The following TRPM7 variants were observed in gnomAD, a reference collection of about 807,000 sequenced individuals.
The protein encoded by TRPM7 is LTRPC ion channel family member 7.
In TRPM7, 134 loss-of-function variants were observed where a neutral mutation model predicts 229.7. That is an observed-to-expected ratio of 0.58 (90% CI 0.51 to 0.67). TRPM7 has a LOEUF of 0.67. TRPM7 is among the 30% of genes least tolerant of loss of function. TRPM7 has a pLI of 0.00. For missense variants in TRPM7, 1,901 were observed against 2,210.0 expected (o/e 0.86, Z 2.80); for synonymous variants, 699 against 715.2 (o/e 0.98, Z 0.36).
At chr15:50,573,164 GTTCTACCCA>G (rs2053970144) in intron 36 of TRPM7, among the ~76,000 whole-genome samples, 1 of 151,898 alleles carries the variant, frequency 6.6e-6, no homozygotes, top group African/African-American at 2.4e-5. Flanking sequence ...GATGCATATC[GTTCTACCCA>G]TCAACTGCTG....
chr15:50,567,837 C>T (rs907745201), intron 38 of TRPM7, among the ~76,000 whole-genome samples: 1 of 151,858 alleles, frequency 6.6e-6, no homozygotes, highest in Non-Finnish European at 1.5e-5. Flanking sequence ...GCCTGTAATC[C>T]CAGCACTTTG....
At chr15:50,637,850 A>G (rs2060952844) in intron 6 of TRPM7, among the ~76,000 whole-genome samples, 1 of 152,256 alleles carries the variant, frequency 6.6e-6, no homozygotes, top group South Asian at 2.1e-4. Context: ...ACATGCAAAG[A>G]GAGAAGCAAT....
intron 36 of TRPM7, among the ~76,000 whole-genome samples, chr15:50,570,743 C>T (rs2053842563): frequency 6.8e-6 from 1 of 146,884 alleles, no homozygotes; most frequent in Admixed American, 6.8e-5. Context: ...GTCCCAGCTA[C>T]TTTCGGGAGG....
chr15:50,647,311 A>G (rs1465714737), intron 4 of TRPM7, among the ~76,000 whole-genome samples: 1 of 150,188 alleles, frequency 6.7e-6, no homozygotes, highest in African/African-American at 2.4e-5. Flanking sequence ...TTGTATTTTT[A>G]GTAGAGACAG....
chr15:50,573,012 C>A (rs2053962439), intron 36 of TRPM7, among the ~76,000 whole-genome samples: 1 of 152,178 alleles, frequency 6.6e-6, no homozygotes, highest in African/African-American at 2.4e-5. Context: ...TGAAGCTCAG[C>A]AGACATTACT....
At chr15:50,681,264 TACACAC>T (rs72070923) in intron 1 of TRPM7, among the ~76,000 whole-genome samples, 224 of 147,020 alleles carry the variant, frequency 1.5e-3, no homozygotes, top group African/African-American at 3.8e-3. Flanking sequence ...AATAAATAAA[TACACAC>T]ACACACACAC....
chr15:50,681,932 A>G (rs2062247042), intron 1 of TRPM7, among the ~76,000 whole-genome samples: 1 of 152,198 alleles, frequency 6.6e-6, no homozygotes, highest in African/African-American at 2.4e-5. Context: ...CTGTAATCCC[A>G]GCACTTTGGG....
intron 12 of TRPM7, 97 bp from the exon 13 acceptor site, chr15:50,619,895 G>C: frequency 1.9e-6 from 2 of 1,035,958 alleles, no homozygotes; most frequent in Non-Finnish European, 2.8e-6. Flanking sequence ...AAATTACATT[G>C]TTTTGGAGTT....
intron 20 of TRPM7, among the ~76,000 whole-genome samples, chr15:50,605,784 T>C (rs2059903890): frequency 6.6e-6 from 1 of 152,204 alleles, no homozygotes; most frequent in African/African-American, 2.4e-5. Flanking sequence ...TTTAAAACGC[T>C]TTGCAATTTG....
Position 50,657,793 on chromosome 15 carries a change from T to C in TRPM7, c.110A>G (p.Gln37Arg). Residue 37 changes from glutamine to arginine, a missense_variant, in exon 3 of 39, where the codon CAG becomes CGG. Gln to Arg is a conservative substitution (Grantham distance 43, BLOSUM62 1). Coordinates refer to ENST00000646667, the MANE Select transcript of TRPM7 (RefSeq NM_017672.6). ...HRCLPGCQIC[Q>R]QLVRCFCGRL... ...ATGTTAAACTTACCTGACGAGTTGC[T>C]GACAAATTTGACATCCTGGAAGGCA... 1.2e-6 allele frequency: 2 copies of C among 1,611,806 alleles called. No individual in the cohort carries two copies. The highest frequency in any genetic ancestry group is 1.7e-6 in the Non-Finnish European group (2 of 1,178,576).
At chr15:50,601,471 GTC>G (rs1197532023) in intron 21 of TRPM7, among the ~76,000 whole-genome samples, 1 of 151,978 alleles carries the variant, frequency 6.6e-6, no homozygotes, top group African/African-American at 2.4e-5. Flanking sequence ...GTGAAACCCT[GTC>G]TCCACTAAAA....
At chr15:50,618,777 A>G (rs934167632) in intron 13 of TRPM7, among the ~76,000 whole-genome samples, 3 of 151,598 alleles carry the variant, frequency 2.0e-5, no homozygotes, top group African/African-American at 7.3e-5. Context: ...CCCCCACCCA[A>G]CCTCCCACCT....
intron 19 of TRPM7, among the ~76,000 whole-genome samples, chr15:50,608,948 C>T (rs2059991768): frequency 6.6e-6 from 1 of 152,166 alleles, no homozygotes; most frequent in Non-Finnish European, 1.5e-5. Context: ...TCATTCTCCA[C>T]ACAAAACAAC....
intron 24 of TRPM7, among the ~76,000 whole-genome samples, chr15:50,593,967 T>G (rs1283016979): frequency 6.6e-6 from 1 of 152,212 alleles, no homozygotes; most frequent in African/African-American, 2.4e-5. Flanking sequence ...TTCCTCCTCC[T>G]CTTCTGATTT....
chr15:50,566,092 T>G (rs1402291755), intron 38 of TRPM7, among the ~76,000 whole-genome samples: 1 of 152,120 alleles, frequency 6.6e-6, no homozygotes, highest in Non-Finnish European at 1.5e-5. Context: ...CCCAAAGTGC[T>G]GGGATTACAG....
chr15:50,635,566 G>A (rs566198880), intron 7 of TRPM7, among the ~76,000 whole-genome samples: 7 of 150,492 alleles, frequency 4.7e-5, no homozygotes, highest in Non-Finnish European at 5.9e-5. Flanking sequence ...GGGAGGCTGA[G>A]GCAGGAGAAT....
rs1566981255 is a variant in TRPM7, at chr15:50,599,213, A to C, written c.3072T>G (p.Pro1024=). 1 of 1,613,080 alleles carries C rather than the reference A, an allele frequency of 6.2e-7. No individual in the cohort carries two copies. Among genetic ancestry groups the C allele is most frequent in the Admixed American group, 1.7e-5 (1 of 60,016 alleles). ...FGVPRKAILY[P]HEAPSWTLAK... Reference sequence around the variant, plus strand: ...CAAGAGTCCAAGATGGTGCTTCATGAGGATAAAGTATTGCCTTTCTGGGAA... The same window carrying C: ...CAAGAGTCCAAGATGGTGCTTCATGCGGATAAAGTATTGCCTTTCTGGGAA... Residue 1024 remains proline, a synonymous_variant, in exon 22 of 39, where the codon CCT becomes CCG. Transcript: ENST00000646667.
intron 15 of TRPM7, among the ~76,000 whole-genome samples, chr15:50,613,355 T>G (rs2060116739): frequency 6.6e-6 from 1 of 151,780 alleles, no homozygotes; most frequent in Admixed American, 6.6e-5. Flanking sequence ...TACAAAAAAT[T>G]AGCCAGTGTA....
At chr15:50,652,214 T>C (rs2061439471) in intron 3 of TRPM7, among the ~76,000 whole-genome samples, 1 of 150,598 alleles carries the variant, frequency 6.6e-6, no homozygotes, top group African/African-American at 2.4e-5. Flanking sequence ...GCGCCTGTAA[T>C]GCCAGCTTCT....
Sources: allele counts gnomAD v4.1 joint callset (sites outside exome capture counted in the v4.1 genomes callset), GRCh38; gene constraint gnomAD v4.1.1; transcripts MANE v1.5; gene names NCBI Gene and HGNC (gene_info 2026-07-23, HGNC 2026-07-21).